UGT1A7: variants seen among roughly 807,000 people sequenced by gnomAD.
UGT1A7 encodes UDP-glucuronosyltransferase 1A7.
Under a neutral mutation model 45.6 loss-of-function variants are expected in UGT1A7, and 33 were observed. The ratio of observed to expected loss-of-function variants is 0.72; its 90% CI spans 0.55 to 0.97. The LOEUF (loss-of-function observed/expected upper bound fraction) is 0.97, where lower values mean the gene tolerates loss of function less well. UGT1A7 is among the 50% of genes least tolerant of loss of function. The pLI is 0.00. For missense variants in UGT1A7, 684 were observed against 666.2 expected (o/e 1.03, Z -0.29); for synonymous variants, 274 against 250.6 (o/e 1.09, Z -0.88).
chr2:233,691,636 G>A, intron 1 of UGT1A7: 2 of 985,552 alleles, frequency 2.0e-6, no homozygotes, highest in Non-Finnish European at 2.4e-6. Flanking sequence ...TGGTTAGCAG[G>A]CAGGGCCAGT....
At position 233,769,202 on chromosome 2, in the gene UGT1A7, CACAG is replaced by C. The variant is rs1699813403; in HGVS notation, c.1295+767_1295+770del. Among the ~76,000 whole-genome samples the C allele has an allele frequency of 6.6e-6, 1 of 152,204 alleles. No homozygotes were observed. Among genetic ancestry groups the C allele is most frequent in the African/African-American group, 2.4e-5 (1 of 41,446 alleles). On this transcript the variant is annotated intron_variant, in intron 4 of 4. Coordinates refer to ENST00000373426, the MANE Select transcript of UGT1A7 (RefSeq NM_019077.3). The surrounding 1 kb of genome is among the most constrained non-coding windows in gnomAD (Gnocchi z 4.4). ...TATGAATGAAGGAGCTATAAGATAT[CACAG>C]ACAAAGTCTTAGAATAAGAGCAAAG...
Position 233,707,497 on chromosome 2 carries a change from A to G in UGT1A7, c.855+24705A>G, listed in dbSNP as rs149948213. Among the ~76,000 whole-genome samples, 324 of 148,662 alleles carry G rather than the reference A, an allele frequency of 2.2e-3. 2 individuals carry two copies. The highest frequency in any genetic ancestry group is 7.6e-3 in the African/African-American group (311 of 40,728). On this transcript the variant is annotated intron_variant, in intron 1 of 4. Coordinates refer to ENST00000373426, the MANE Select transcript of UGT1A7 (RefSeq NM_019077.3). ...TACAGATGATTTTACCTGTTTCGGT[A>G]CTTAACATAAATAGAATTTTACTGT...
intron 1 of UGT1A7, among the ~76,000 whole-genome samples, chr2:233,749,072 C>A (rs570371111): frequency 6.6e-6 from 1 of 151,796 alleles, no homozygotes; most frequent in East Asian, 1.9e-4. Flanking sequence ...GTTTCTTATT[C>A]CTTGGTGTGC....
intron 1 of UGT1A7, among the ~76,000 whole-genome samples, chr2:233,757,535 A>AATATATATACATATATATATATATAT (rs376887521): frequency 5.7e-5 from 5 of 88,270 alleles, no homozygotes; most frequent in Admixed American, 1.1e-4. Flanking sequence ...GCCTGTAAGG[A>AATATATATACATATATATATATATAT]ATATATATAT....
rs187561805 is a variant in UGT1A7 at position 233,713,630 on chromosome 2, C to T, written c.855+30838C>T. ...TGACATTCCTGCAAAGGGTCAAGAA[C>T]ATGCTCTACCCTCTGGCCCTGTCCT... is the stretch of plus-strand genomic sequence containing the variant. On this transcript the variant is annotated intron_variant, in intron 1 of 4. Transcript: ENST00000373426. The T allele has an allele frequency of 4.3e-6, 7 of 1,613,980 alleles. No individual in the cohort carries two copies. The African/African-American group carries it at 6.7e-5, about 15-fold the overall frequency.
intron 1 of UGT1A7, chr2:233,730,102 T>C (rs972272241): frequency 1.9e-6 from 3 of 1,578,724 alleles, no homozygotes; most frequent in East Asian, 2.3e-5. Context: ...AAATATTTCA[T>C]TTCTGCTTCT....
chr2:233,697,019 A>G (rs2075370306), intron 1 of UGT1A7, among the ~76,000 whole-genome samples: 2 of 151,960 alleles, frequency 1.3e-5, no homozygotes, highest in South Asian at 4.1e-4. Flanking sequence ...TTCGTCAGAG[A>G]TATGGGCCCG....
At chr2:233,711,284 C>G (rs1473595982) in intron 1 of UGT1A7, among the ~76,000 whole-genome samples, 2 of 152,164 alleles carry the variant, frequency 1.3e-5, no homozygotes, top group African/African-American at 4.8e-5. Flanking sequence ...GAGTCCTAGA[C>G]GTGGGAGTAG....
At position 233,728,430 on chromosome 2, in the gene UGT1A7, A is replaced by G. The variant is rs531471868; in HGVS notation, c.856-38604A>G. Among the ~76,000 whole-genome samples, 89 of 152,228 alleles carry G rather than the reference A, an allele frequency of 5.8e-4. 1 individual carries two copies. The highest frequency in any genetic ancestry group is 2.0e-3 in the African/African-American group (84 of 41,542). ...TTTAGATAGCAGCACCTCTTCTTCC[A>G]TGGTGTATATGGAGAATCCTCAACA... On this transcript the variant is annotated intron_variant, in intron 1 of 4. Transcript: ENST00000373426.
At chr2:233,739,831 CAT>C (rs1185061453) in intron 1 of UGT1A7, among the ~76,000 whole-genome samples, 1 of 151,958 alleles carries the variant, frequency 6.6e-6, no homozygotes, top group Non-Finnish European at 1.5e-5. Context: ...TGTGAAAAGA[CAT>C]GAGATTTGGG....
At chr2:233,768,516 G>A (rs188739654) in intron 4 of UGT1A7, 77 bp downstream of exon 4, 153 of 1,549,320 alleles carry the variant, frequency 9.9e-5, no homozygotes, top group Non-Finnish European at 1.2e-4. Context: ...AAACATTTAC[G>A]TAGCATTTAA....
At chr2:233,721,414 A>G (rs1463398492) in intron 1 of UGT1A7, 1 of 155,730 alleles carries the variant, frequency 6.4e-6, no homozygotes, top group Non-Finnish European at 1.4e-5. Context: ...TAGGACAGGT[A>G]CCCTAAGCAT....
At chr2:233,694,761 A>G (rs1204986325) in intron 1 of UGT1A7, among the ~76,000 whole-genome samples, 2 of 152,204 alleles carry the variant, frequency 1.3e-5, no homozygotes, top group African/African-American at 4.8e-5. Flanking sequence ...CCACTGTGAA[A>G]AGGCAAGGGT....
At chr2:233,731,491 G>A (rs1443900018) in intron 1 of UGT1A7, among the ~76,000 whole-genome samples, 2 of 152,026 alleles carry the variant, frequency 1.3e-5, no homozygotes, top group Non-Finnish European at 2.9e-5. Flanking sequence ...TGTGTCCAGT[G>A]TTCTTGCTGT....
At chr2:233,717,608 A>G (rs897044016) in intron 1 of UGT1A7, among the ~76,000 whole-genome samples, 23 of 152,264 alleles carry the variant, frequency 1.5e-4, no homozygotes, top group African/African-American at 5.5e-4. Context: ...AAGTGGGCAC[A>G]GCCCAGAGAG....
intron 1 of UGT1A7, chr2:233,708,765 C>G (rs961432018): frequency 6.6e-6 from 1 of 152,024 alleles, no homozygotes; most frequent in Admixed American, 6.6e-5. Flanking sequence ...CCCACCCCCC[C>G]CCAAATCAAT....
rs146693320 is a variant in UGT1A7, at chr2:233,769,441, G to T, written c.1295+1002G>T. The T allele has an allele frequency of 6.5e-7, 1 of 1,546,730 alleles. No homozygotes were observed. Among genetic ancestry groups the T allele is most frequent in the East Asian group, 2.3e-5 (1 of 44,376 alleles). ...TGCATGTGGCTGTGCTCATGTGTGGGTGCACACGTGTGCATTCATATGCGT... is the reference window on the plus strand; with the variant it reads ...TGCATGTGGCTGTGCTCATGTGTGGTTGCACACGTGTGCATTCATATGCGT... On this transcript the variant is annotated intron_variant, in intron 4 of 4. Transcript: ENST00000373426. The surrounding 1 kb of genome is among the most constrained non-coding windows in gnomAD (Gnocchi z 4.4).
intron 1 of UGT1A7, chr2:233,719,692 G>A (rs1410497957): frequency 3.1e-6 from 5 of 1,614,032 alleles, no homozygotes; most frequent in Admixed American, 3.3e-5. Flanking sequence ...TCTCAGGTCT[G>A]TATTGGTGCC....
chr2:233,705,870 T>G (rs2075876544), intron 1 of UGT1A7, among the ~76,000 whole-genome samples: 1 of 152,102 alleles, frequency 6.6e-6, no homozygotes, highest in Non-Finnish European at 1.5e-5. Context: ...GGCAGATCAC[T>G]TGAGGCCAGG....
Sources: gnomAD v4.1 joint callset for allele counts (sites outside exome capture counted in the v4.1 genomes callset) on GRCh38, gnomAD v4.1.1 for gene constraint, Gnocchi (gnomAD v3.1) non-coding constraint, MANE v1.5 for transcripts, NCBI Gene and HGNC (gene_info 2026-07-23, HGNC 2026-07-21) for gene names.